The following PXDNL variants were observed in gnomAD, a reference collection of about 807,000 sequenced individuals.
The protein encoded by PXDNL is probable oxidoreductase PXDNL.
In PXDNL, 145 loss-of-function variants were observed where a neutral mutation model predicts 150.8. The observed-to-expected ratio is 0.96, with a 90% CI of 0.84 to 1.10. The LOEUF is 1.10. Ranked by LOEUF, PXDNL falls within the 50% of genes least tolerant of loss-of-function variation. PXDNL has a pLI of 0.00. For synonymous variants in PXDNL, 757 were observed against 725.7 expected (o/e 1.04, Z -0.69); for missense variants, 2,087 against 1,873.9 (o/e 1.11, Z -2.10).
At chr8:51,533,764 G>C (rs1279271045) in intron 4 of PXDNL, among the ~76,000 whole-genome samples, 1 of 150,962 alleles carries the variant, frequency 6.6e-6, no homozygotes, top group Non-Finnish European at 1.5e-5. Flanking sequence ...CGGGATTGCA[G>C]ACGGAGTCTC....
chr8:51,644,401 T>TACACACAC (rs1814865751), intron 2 of PXDNL, among the ~76,000 whole-genome samples: 1 of 48,346 alleles, frequency 2.1e-5, no homozygotes, highest in Non-Finnish European at 4.2e-5. Context: ...TGTATATATA[T>TACACACAC]ACACATGTGT....
At chr8:51,783,568 GT>G (rs1031178975) in intron 1 of PXDNL, among the ~76,000 whole-genome samples, 2 of 152,102 alleles carry the variant, frequency 1.3e-5, no homozygotes, top group Non-Finnish European at 1.5e-5. Flanking sequence ...TTGAATTTCA[GT>G]TTTTTTCTAC....
chr8:51,608,842 A>AAAG (rs1372195489), intron 2 of PXDNL, among the ~76,000 whole-genome samples: 1 of 140,830 alleles, frequency 7.1e-6, no homozygotes, highest in Admixed American at 6.8e-5. Flanking sequence ...GTCTCAAAAA[A>AAAG]AAAAAAAAAA....
intron 4 of PXDNL, among the ~76,000 whole-genome samples, chr8:51,501,540 A>G (rs959507607): frequency 1.9e-4 from 29 of 151,816 alleles, no homozygotes; most frequent in African/African-American, 6.8e-4. Flanking sequence ...TCTCACATAC[A>G]CTAACACACA....
intron 1 of PXDNL, among the ~76,000 whole-genome samples, chr8:51,723,394 C>T (rs1816765321): frequency 6.6e-6 from 1 of 152,176 alleles, no homozygotes; most frequent in South Asian, 2.1e-4. Flanking sequence ...TGAAACCAGA[C>T]TCAGATGCTG....
chr8:51,720,150 T>C (rs1816699956), intron 1 of PXDNL, among the ~76,000 whole-genome samples: 1 of 151,268 alleles, frequency 6.6e-6, no homozygotes, highest in South Asian at 2.1e-4. Flanking sequence ...ATAATAAAAA[T>C]ATTTTAATTC....
At chr8:51,363,073 C>A (rs556443836) in intron 19 of PXDNL, among the ~76,000 whole-genome samples, 4 of 152,224 alleles carry the variant, frequency 2.6e-5, no homozygotes, top group East Asian at 3.9e-4. Context: ...GAATCAAGCC[C>A]AACATGACCC....
chr8:51,661,926 G>A (rs1815279362), intron 1 of PXDNL, among the ~76,000 whole-genome samples: 1 of 148,196 alleles, frequency 6.7e-6, no homozygotes. Context: ...TACATAAAAA[G>A]GAATACTATA....
chr8:51,744,675 C>CA (rs34751949), intron 1 of PXDNL, among the ~76,000 whole-genome samples: 29,489 of 38,822 alleles, frequency 0.76, 11,759 homozygotes, highest in South Asian at 0.85. Context: ...GACTCCATCT[C>CA]AAAAAAAAAA....
intron 12 of PXDNL, among the ~76,000 whole-genome samples, chr8:51,446,111 A>G (rs1304640335): frequency 6.6e-6 from 1 of 152,256 alleles, no homozygotes; most frequent in African/African-American, 2.4e-5. Flanking sequence ...TGTAGACAGT[A>G]GCTCAGTGTA....
chr8:51,404,353 G>A (rs1007593694), intron 17 of PXDNL, among the ~76,000 whole-genome samples: 2 of 152,164 alleles, frequency 1.3e-5, no homozygotes, highest in East Asian at 1.9e-4. Context: ...TGGTTTGACA[G>A]GGTGCTGATT....
At chr8:51,334,930 C>T (rs1005596599) in intron 21 of PXDNL, among the ~76,000 whole-genome samples, 2 of 152,118 alleles carry the variant, frequency 1.3e-5, no homozygotes, top group Admixed American at 6.6e-5. Context: ...CTGTTCCTTA[C>T]GTATGTCATA....
chr8:51,655,843 G>A (rs1010396555), intron 1 of PXDNL, among the ~76,000 whole-genome samples: 4 of 152,096 alleles, frequency 2.6e-5, no homozygotes, highest in African/African-American at 9.7e-5. Context: ...CGCCAGCCTA[G>A]GAATAAAGGC....
chr8:51,804,585 C>G (rs2037656129), intron 1 of PXDNL, among the ~76,000 whole-genome samples: 1 of 152,148 alleles, frequency 6.6e-6, no homozygotes, highest in Admixed American at 6.5e-5. Context: ...CAACTTTTCC[C>G]ATGTGCAGTA....
At chr8:51,735,526 GTTTTTTTTTTTT>G (rs777986365) in intron 1 of PXDNL, among the ~76,000 whole-genome samples, 1 of 41,058 alleles carries the variant, frequency 2.4e-5, no homozygotes, top group African/African-American at 5.2e-5. Flanking sequence ...ATTAAAAATT[GTTTTTTTTTTTT>G]TTTTTTTTTT....
At chr8:51,350,004 T>C (rs1806287031) in intron 19 of PXDNL, among the ~76,000 whole-genome samples, 1 of 152,156 alleles carries the variant, frequency 6.6e-6, no homozygotes, top group South Asian at 2.1e-4. Flanking sequence ...AATGCATTCA[T>C]ATTGCATATG....
At chr8:51,498,782 A>G (rs1456731938) in intron 5 of PXDNL, among the ~76,000 whole-genome samples, 1 of 152,196 alleles carries the variant, frequency 6.6e-6, no homozygotes, top group Non-Finnish European at 1.5e-5. Context: ...TCTCAATACC[A>G]CATATATTTC....
intron 2 of PXDNL, among the ~76,000 whole-genome samples, chr8:51,615,891 G>A (rs1021356822): frequency 6.6e-6 from 1 of 152,222 alleles, no homozygotes; most frequent in East Asian, 1.9e-4. Context: ...TAACATGGCA[G>A]CAGAGAATGG....
intron 2 of PXDNL, among the ~76,000 whole-genome samples, chr8:51,599,971 A>G (rs1366749285): frequency 2.1e-3 from 1 of 482 alleles, no homozygotes; most frequent in African/African-American, 0.019. Context: ...TATATAAATG[A>G]CATCGTTTAG....
Sources: gnomAD v4.1 joint callset for allele counts (sites outside exome capture counted in the v4.1 genomes callset) on GRCh38, gnomAD v4.1.1 for gene constraint, MANE v1.5 for transcripts, NCBI Gene and HGNC (gene_info 2026-07-23, HGNC 2026-07-21) for gene names.